The following MAST4 variants were observed in gnomAD, a reference collection of about 807,000 sequenced individuals.
MAST4 encodes the protein microtubule associated serine/threonine kinase family member 4, also known as microtubule-associated serine/threonine-protein kinase 4.
In MAST4, 89 loss-of-function variants were observed where a neutral mutation model predicts 162.7. The ratio of observed to expected loss-of-function variants is 0.55; its 90% CI spans 0.46 to 0.65. MAST4 has a LOEUF of 0.65. MAST4 is among the 30% of genes least tolerant of loss of function. The pLI, the probability that MAST4 is intolerant of heterozygous loss-of-function variation, is 0.00. For missense variants in MAST4, 3,153 were observed against 3,374.0 expected, an observed-to-expected ratio of 0.93 and a Z score of 1.62; for synonymous variants, 1,479 against 1,361.1, an observed-to-expected ratio of 1.09 and a Z score of -1.91.
intron 4 of MAST4, among the ~76,000 whole-genome samples, chr5:66,985,216 C>T (rs1749345229): frequency 6.6e-6 from 1 of 152,072 alleles, no homozygotes; most frequent in Non-Finnish European, 1.5e-5. Flanking sequence ...GAGTGGTCTT[C>T]TGTGTGGAGT....
intron 3 of MAST4, among the ~76,000 whole-genome samples, chr5:66,789,080 G>T (rs1755260702): frequency 1.3e-5 from 2 of 152,206 alleles, no homozygotes; most frequent in South Asian, 4.1e-4. Context: ...AAAACTCATG[G>T]AAAAGTTGCA....
chr5:67,007,220 A>T (rs1752143497), intron 4 of MAST4, among the ~76,000 whole-genome samples: 1 of 152,050 alleles, frequency 6.6e-6, no homozygotes, highest in Non-Finnish European at 1.5e-5. Context: ...TGTGACTTCT[A>T]CTTTTGAGAT....
chr5:66,616,983 A>G (rs1399231750), intron 1 of MAST4, among the ~76,000 whole-genome samples: 2 of 152,234 alleles, frequency 1.3e-5, no homozygotes, highest in African/African-American at 2.4e-5. Flanking sequence ...GGTTTTAACT[A>G]AAGTGGTTGA....
intron 4 of MAST4, among the ~76,000 whole-genome samples, chr5:66,918,299 T>G (rs572613927): frequency 1.6e-3 from 238 of 152,296 alleles, no homozygotes; most frequent in Middle Eastern, 6.8e-3. Context: ...TTGAGAGATT[T>G]GTAAATATGA....
At chr5:66,692,935 A>G (rs1749143400) in intron 1 of MAST4, among the ~76,000 whole-genome samples, 1 of 152,090 alleles carries the variant, frequency 6.6e-6, no homozygotes, top group South Asian at 2.1e-4. Context: ...CCATTGAATA[A>G]TGAAATCTAT....
chr5:67,095,429 AGTC>A (rs1314283011), intron 6 of MAST4, among the ~76,000 whole-genome samples, 165 bp from the exon 7 acceptor site: 1 of 152,210 alleles, frequency 6.6e-6, no homozygotes, highest in Non-Finnish European at 1.5e-5. Flanking sequence ...TTTAAATAAA[AGTC>A]AACCTACTGT....
intron 3 of MAST4, among the ~76,000 whole-genome samples, chr5:66,871,994 T>C (rs1252600457): frequency 6.6e-6 from 1 of 152,222 alleles, no homozygotes; most frequent in African/African-American, 2.4e-5. Context: ...AGCAAGCCAC[T>C]GATACTGATT....
chr5:66,700,568 C>T (rs1749701347), intron 1 of MAST4, among the ~76,000 whole-genome samples: 1 of 151,924 alleles, frequency 6.6e-6, no homozygotes, highest in Admixed American at 6.6e-5. Flanking sequence ...CCTGTAATCC[C>T]AGCTAACTGG....
At chr5:66,806,796 T>A (rs1010415354) in intron 3 of MAST4, among the ~76,000 whole-genome samples, 1 of 152,230 alleles carries the variant, frequency 6.6e-6, no homozygotes, top group Non-Finnish European at 1.5e-5. Context: ...TACTTTTTTA[T>A]TACATCTCCT....
At chr5:67,149,020 A>G (rs1350108994) in intron 23 of MAST4, among the ~76,000 whole-genome samples, 1 of 152,158 alleles carries the variant, frequency 6.6e-6, no homozygotes, top group Non-Finnish European at 1.5e-5. Flanking sequence ...TATTTGATTC[A>G]TGGCACAGCC....
chr5:67,094,263 G>T (rs1581535839), intron 6 of MAST4: 1 of 724,544 alleles, frequency 1.4e-6, no homozygotes, highest in Non-Finnish European at 2.2e-6. Context: ...TTTATTGGAG[G>T]TTACACCCAT....
chr5:66,624,063 A>G (rs1050439477), intron 1 of MAST4, among the ~76,000 whole-genome samples: 1 of 152,126 alleles, frequency 6.6e-6, no homozygotes, highest in Non-Finnish European at 1.5e-5. Flanking sequence ...TGTACATTTA[A>G]TTATAAAATA....
intron 4 of MAST4, among the ~76,000 whole-genome samples, chr5:66,989,093 T>C (rs1368770186): frequency 6.6e-6 from 1 of 152,212 alleles, no homozygotes; most frequent in Non-Finnish European, 1.5e-5. Flanking sequence ...AAAATACTTA[T>C]ATTTTAGAGG....
rs185229707 is a variant in MAST4, at chr5:67,146,761, G to A, written c.3094+1382G>A. ...CACTTCAGTTCTGTTTTCATGTTGC[G>A]TAATTCCACTTATCCTAATCATAAA... On this transcript the variant is annotated intron_variant, in intron 23 of 28. Transcript: ENST00000403625. Among the ~76,000 whole-genome samples, 23 of 152,210 alleles carry A rather than the reference G, an allele frequency of 1.5e-4. No homozygotes were observed. In the South Asian group the frequency reaches 1.7e-3, roughly 11 times the overall value.
At chr5:67,158,474 G>A (rs896775852) in intron 26 of MAST4, among the ~76,000 whole-genome samples, 1 of 151,978 alleles carries the variant, frequency 6.6e-6, no homozygotes, top group African/African-American at 2.4e-5. Context: ...CAGAGGGTGA[G>A]GCAGGAGGAT....
At chr5:67,104,696 G>GT in intron 10 of MAST4, 121 bp downstream of exon 10, 79 of 513,542 alleles carry the variant, frequency 1.5e-4, no homozygotes, top group Non-Finnish European at 1.6e-4. Flanking sequence ...CAAAAAAGAA[G>GT]GAAAAAAAAA....
chr5:67,112,936 C>G (rs1024976695), intron 11 of MAST4, among the ~76,000 whole-genome samples: 3 of 152,048 alleles, frequency 2.0e-5, no homozygotes, highest in Non-Finnish European at 4.4e-5. Context: ...CCAGGAGTGC[C>G]CAGCCACCAG....
intron 3 of MAST4, among the ~76,000 whole-genome samples, chr5:66,821,314 T>C (rs999723164): frequency 6.6e-6 from 1 of 152,256 alleles, no homozygotes; most frequent in Non-Finnish European, 1.5e-5. Context: ...ATGTCTGCTG[T>C]TTCTTTACCT....
chr5:66,730,039 T>C (rs1477018545), intron 1 of MAST4, among the ~76,000 whole-genome samples: 1 of 152,198 alleles, frequency 6.6e-6, no homozygotes, highest in Non-Finnish European at 1.5e-5. Context: ...TTTTATTTTT[T>C]TTCTTTTGTC....
Sources: allele counts gnomAD v4.1 joint callset (sites outside exome capture counted in the v4.1 genomes callset), GRCh38; gene constraint gnomAD v4.1.1; transcripts MANE v1.5; gene names NCBI Gene and HGNC (gene_info 2026-07-23, HGNC 2026-07-21).